The following TRIM49 variants were observed in gnomAD, a reference collection of about 807,000 sequenced individuals.
TRIM49 encodes the protein tripartite motif containing 49.
A neutral mutation model predicts 27.4 loss-of-function variants in TRIM49; 5 were observed. That is an observed-to-expected ratio of 0.18 (90% confidence interval 0.10 to 0.38). The LOEUF (loss-of-function observed/expected upper bound fraction) is 0.38, where lower values mean the gene tolerates loss of function less well. TRIM49 is among the 10% of genes least tolerant of loss of function. The pLI is 1.00. For missense variants in TRIM49, 188 were observed against 487.5 expected (o/e 0.39, Z 5.79); for synonymous variants, 69 against 166.0 (o/e 0.42, Z 4.49).
downstream of TRIM49, among the ~76,000 whole-genome samples, chr11:89,796,865 T>C (rs1196852443): frequency 6.6e-6 from 1 of 151,888 alleles, no homozygotes; most frequent in Non-Finnish European, 1.5e-5. Context: ...TAAAAATTGA[T>C]GCAGTGAACA....
downstream of TRIM49, among the ~76,000 whole-genome samples, chr11:89,796,212 T>C (rs1949687960): frequency 1.3e-5 from 2 of 151,988 alleles, no homozygotes; most frequent in African/African-American, 2.4e-5. Context: ...TTATAATATA[T>C]TGGTTTGTGT....
chr11:89,785,669 A>G, the TRIM49 span, among the ~76,000 whole-genome samples: 1 of 145,722 alleles, frequency 6.9e-6, no homozygotes, highest in African/African-American at 2.7e-5. Flanking sequence ...AAAATTTACA[A>G]AAGAATAAAA....
chr11:89,794,620 A>C (rs1432173525), downstream of TRIM49, among the ~76,000 whole-genome samples: 1 of 147,812 alleles, frequency 6.8e-6, no homozygotes, highest in Admixed American at 6.7e-5. Context: ...CAAATCTGAC[A>C]AAAACAAGCA....
At chr11:89,768,315 G>T in the TRIM49 span, 34 of 1,405,746 alleles carry the variant, frequency 2.4e-5, no homozygotes, top group African/African-American at 5.9e-5. Context: ...AGTTGGTTAA[G>T]TTTCTGATGT....
At chr11:89,787,097 G>T in the TRIM49 span, 41 of 160,746 alleles carry the variant, frequency 2.6e-4, 2 homozygotes, top group African/African-American at 1.1e-3. Flanking sequence ...GCGGTTGGGG[G>T]AAAAGTACCA....
chr11:89,805,182 C>T (rs4143330), intron 2 of TRIM49, among the ~76,000 whole-genome samples: 170 of 149,836 alleles, frequency 1.1e-3, no homozygotes, highest in East Asian at 7.4e-3. Flanking sequence ...TATTTTCTTG[C>T]GGATTAAATT....
chr11:89,785,726 A>T, the TRIM49 span, among the ~76,000 whole-genome samples: 1 of 144,804 alleles, frequency 6.9e-6, no homozygotes, highest in Non-Finnish European at 1.5e-5. Flanking sequence ...AAAGTTGAAA[A>T]TTATTTAATT....
At chr11:89,776,755 G>A in the TRIM49 span, among the ~76,000 whole-genome samples, 6 of 151,896 alleles carry the variant, frequency 4.0e-5, no homozygotes, top group African/African-American at 1.2e-4. Context: ...GGTATGTCAG[G>A]GAGTCCTGAA....
chr11:89,791,371 C>A, the TRIM49 span, among the ~76,000 whole-genome samples: 2 of 152,044 alleles, frequency 1.3e-5, no homozygotes, highest in African/African-American at 4.8e-5. Context: ...GGCCAACATT[C>A]AAATTCAGGA....
chr11:89,800,491 C>G, intron 6 of TRIM49, among the ~76,000 whole-genome samples: 1 of 151,476 alleles, frequency 6.6e-6, no homozygotes, highest in Admixed American at 6.5e-5. Flanking sequence ...CGCCTGTAAT[C>G]CCAGCACTTT....
intron 4 of TRIM49, among the ~76,000 whole-genome samples, chr11:89,802,238 A>G (rs1260745418): frequency 6.7e-6 from 1 of 149,164 alleles, no homozygotes; most frequent in African/African-American, 2.5e-5. Flanking sequence ...CATGCTTGAG[A>G]GTTGGAGTAT....
intron 2 of TRIM49, among the ~76,000 whole-genome samples, chr11:89,806,184 A>G (rs1328497993): frequency 2.7e-5 from 4 of 150,504 alleles, no homozygotes; most frequent in African/African-American, 7.5e-5. Flanking sequence ...ACACAATGAT[A>G]ACTATTTGTG....
At chr11:89,801,508 AAGT>A (rs1268998130) in intron 5 of TRIM49, among the ~76,000 whole-genome samples, 191 bp downstream of exon 5, 1 of 150,396 alleles carries the variant, frequency 6.6e-6, no homozygotes, top group Non-Finnish European at 1.5e-5. Flanking sequence ...CTGGTGGATA[AAGT>A]AGGAGGGACC....
rs1240709326 is a variant in TRIM49 at position 89,804,007 on chromosome 11, C to T, written c.411+52G>A. 2.5e-6 allele frequency: 4 copies of T among 1,611,368 alleles called. No individual in the cohort carries two copies. In the South Asian group the frequency reaches 3.3e-5, roughly 13 times the overall value. On this transcript the variant is annotated intron_variant, in intron 3 of 7. Transcript: ENST00000329758. ...TCCAATCTCCAAGAAAATAGACCCA[C>T]AGGAATTTTATGCTTCCTTTACAGA...
chr11:89,787,363 T>TCCTGGCGA, the TRIM49 span: 3 of 276,924 alleles, frequency 1.1e-5, no homozygotes, highest in Non-Finnish European at 2.0e-5. Flanking sequence ...GTGCAGGAAA[T>TCCTGGCGA]CCTGGCGACT....
chr11:89,802,858 G>A (rs1001069233), intron 4 of TRIM49, among the ~76,000 whole-genome samples: 8 of 149,560 alleles, frequency 5.3e-5, no homozygotes, highest in Non-Finnish European at 8.9e-5. Context: ...AATACATCAT[G>A]TATTGCATAT....
At chr11:89,777,783 T>G in the TRIM49 span, 11 of 532,594 alleles carry the variant, frequency 2.1e-5, no homozygotes, top group African/African-American at 4.2e-5. Flanking sequence ...AGAATCATAT[T>G]CGTTTAACTT....
intron 6 of TRIM49, among the ~76,000 whole-genome samples, chr11:89,800,509 C>G (rs1348927452): frequency 1.3e-5 from 2 of 151,258 alleles, no homozygotes; most frequent in Admixed American, 6.6e-5. Flanking sequence ...TTTGGGAGGC[C>G]GAGGCGGGCG....
At chr11:89,769,226 C>T in the TRIM49 span, among the ~76,000 whole-genome samples, 1 of 131,302 alleles carries the variant, frequency 7.6e-6, no homozygotes, top group Admixed American at 7.0e-5. Flanking sequence ...TGTTATTCTG[C>T]GCATCTGCTC....
Sources: gnomAD v4.1 joint callset for allele counts (sites outside exome capture counted in the v4.1 genomes callset) on GRCh38, gnomAD v4.1.1 for gene constraint, MANE v1.5 for transcripts, NCBI Gene and HGNC (gene_info 2026-07-23, HGNC 2026-07-21) for gene names.